The following PABPC4L variants were observed in gnomAD, a reference collection of about 807,000 sequenced individuals.
PABPC4L encodes the protein poly(A) binding protein cytoplasmic 4 like, also known as polyadenylate-binding protein 4-like.
For missense variants in PABPC4L, 452 were observed against 451.4 expected, an observed-to-expected ratio of 1.00 and a Z score of -0.01; for synonymous variants, 169 against 164.1, an observed-to-expected ratio of 1.03 and a Z score of -0.23.
At chr4:134,143,866 G>GAAAA in the PABPC4L span, among the ~76,000 whole-genome samples, 1 of 151,394 alleles carries the variant, frequency 6.6e-6, no homozygotes, top group East Asian at 1.9e-4. Flanking sequence ...TTACCACTAT[G>GAAAA]AAAATAGAAA....
the PABPC4L span, among the ~76,000 whole-genome samples, chr4:134,133,477 T>C: frequency 1.4e-5 from 2 of 147,702 alleles, no homozygotes; most frequent in Non-Finnish European, 3.0e-5. Context: ...ATTTTATATA[T>C]ACACTGTGGA....
At chr4:134,187,983 C>T in the PABPC4L span, among the ~76,000 whole-genome samples, 1 of 151,180 alleles carries the variant, frequency 6.6e-6, no homozygotes, top group Non-Finnish European at 1.5e-5. Context: ...TTATGATTTC[C>T]CTCCTTTTTT....
chr4:134,134,136 G>C, the PABPC4L span, among the ~76,000 whole-genome samples: 1 of 151,892 alleles, frequency 6.6e-6, no homozygotes, highest in African/African-American at 2.4e-5. Flanking sequence ...TCATACATTA[G>C]AATAAAAGAG....
the PABPC4L span, among the ~76,000 whole-genome samples, chr4:134,074,576 AGCTCCACT>A: frequency 2.6e-4 from 40 of 152,260 alleles, no homozygotes; most frequent in African/African-American, 9.4e-4. Flanking sequence ...GTATCTTTAC[AGCTCCACT>A]GCTCCTAGTA....
At chr4:134,151,612 A>G in the PABPC4L span, among the ~76,000 whole-genome samples, 1 of 152,042 alleles carries the variant, frequency 6.6e-6, no homozygotes, top group Non-Finnish European at 1.5e-5. Context: ...GAATACCTAC[A>G]TTTAAATAGT....
chr4:134,201,666 C>G (rs985994170), intron 1 of PABPC4L, 52 bp downstream of exon 1: 1 of 152,898 alleles, frequency 6.5e-6, no homozygotes, highest in East Asian at 1.9e-4. Flanking sequence ...GACAGACCGA[C>G]GGACTGACGG....
the PABPC4L span, among the ~76,000 whole-genome samples, chr4:134,122,492 T>A: frequency 6.6e-6 from 1 of 151,900 alleles, no homozygotes; most frequent in Non-Finnish European, 1.5e-5. Context: ...ATCTCACTTT[T>A]ATAGTTTTGT....
the PABPC4L span, among the ~76,000 whole-genome samples, chr4:134,072,618 C>T: frequency 2.0e-5 from 3 of 152,054 alleles, no homozygotes; most frequent in Non-Finnish European, 4.4e-5. Context: ...TCAGCAGACA[C>T]CCATATATCT....
chr4:134,012,393 C>A, the PABPC4L span, among the ~76,000 whole-genome samples: 1 of 152,084 alleles, frequency 6.6e-6, no homozygotes, highest in African/African-American at 2.4e-5. Flanking sequence ...CATCCTGGCT[C>A]AAAAGCTCCC....
the PABPC4L span, among the ~76,000 whole-genome samples, chr4:134,145,657 G>A: frequency 6.6e-6 from 1 of 151,730 alleles, no homozygotes; most frequent in African/African-American, 2.4e-5. Context: ...AGTACATAAG[G>A]GCCACAATAA....
chr4:134,060,222 G>A, the PABPC4L span, among the ~76,000 whole-genome samples: 1 of 152,008 alleles, frequency 6.6e-6, no homozygotes, highest in Non-Finnish European at 1.5e-5. Context: ...GCCACCATTG[G>A]CTAAAGTGCT....
the PABPC4L span, among the ~76,000 whole-genome samples, chr4:133,986,085 A>G: frequency 6.6e-6 from 1 of 152,196 alleles, no homozygotes; most frequent in Middle Eastern, 3.4e-3. Context: ...TTAAAATTTC[A>G]TTAATTGTAT....
At chr4:134,054,246 GTATATGTATA>G in the PABPC4L span, among the ~76,000 whole-genome samples, 10,262 of 73,750 alleles carry the variant, frequency 0.14, 580 homozygotes, top group Non-Finnish European at 0.17. Flanking sequence ...TACTTTAGTT[GTATATGTATA>G]TATATATATA....
the PABPC4L span, among the ~76,000 whole-genome samples, chr4:134,183,735 A>G: frequency 4.6e-5 from 7 of 152,016 alleles, no homozygotes; most frequent in Non-Finnish European, 1.0e-4. Context: ...ATCTAAGAAT[A>G]AAACTAATAA....
chr4:134,039,917 C>G, the PABPC4L span, among the ~76,000 whole-genome samples: 3 of 151,928 alleles, frequency 2.0e-5, no homozygotes. Context: ...TCCTATACAC[C>G]AGTAACAGAC....
the PABPC4L span, among the ~76,000 whole-genome samples, chr4:134,098,691 G>A: frequency 1.5e-3 from 229 of 151,666 alleles, 3 homozygotes; most frequent in Middle Eastern, 3.4e-3. Context: ...GGATCACAAA[G>A]GAGAAAATGC....
At chr4:134,128,331 CA>C in the PABPC4L span, among the ~76,000 whole-genome samples, 1 of 152,000 alleles carries the variant, frequency 6.6e-6, no homozygotes, top group Non-Finnish European at 1.5e-5. Context: ...AAATTCATGG[CA>C]AAAAGATCAT....
chr4:134,140,283 CTT>C, the PABPC4L span, among the ~76,000 whole-genome samples: 2 of 151,648 alleles, frequency 1.3e-5, no homozygotes, highest in South Asian at 4.1e-4. Flanking sequence ...ATTTGCTTGA[CTT>C]TGGTAATTAT....
the PABPC4L span, among the ~76,000 whole-genome samples, chr4:134,146,032 A>C: frequency 1.3e-5 from 2 of 152,098 alleles, no homozygotes; most frequent in Admixed American, 6.6e-5. Flanking sequence ...ATAAGATATT[A>C]ATATATAGTT....
Sources: allele counts gnomAD v4.1 joint callset (sites outside exome capture counted in the v4.1 genomes callset), GRCh38; gene constraint gnomAD v4.1.1; transcripts MANE v1.5; gene names NCBI Gene and HGNC (gene_info 2026-07-23, HGNC 2026-07-21).